CNGB1: variants seen among roughly 807,000 people sequenced by gnomAD.
CNGB1 encodes the protein cyclic nucleotide-gated channel beta-1.
Under a neutral mutation model 151.7 loss-of-function variants are expected in CNGB1, and 126 were observed. That is an observed-to-expected ratio of 0.83 (90% CI 0.72 to 0.96). CNGB1 has a LOEUF of 0.96. Among genes scored for constraint, CNGB1 ranks in the 40% least tolerant of loss-of-function variants. The pLI is 0.00. For missense variants in CNGB1, 1,698 were observed against 1,627.0 expected (o/e 1.04, Z -0.75); for synonymous variants, 623 against 635.1 (o/e 0.98, Z 0.29).
intron 17 of CNGB1, among the ~76,000 whole-genome samples, chr16:57,927,173 T>C (rs1350466718): frequency 3.9e-5 from 6 of 152,174 alleles, no homozygotes; most frequent in Non-Finnish European, 8.8e-5. Flanking sequence ...GTGGTGTTTC[T>C]TTCCTCGTCT....
intron 16 of CNGB1, among the ~76,000 whole-genome samples, chr16:57,936,366 C>T (rs1012014623): frequency 1.7e-4 from 26 of 152,154 alleles, no homozygotes; most frequent in African/African-American, 6.0e-4. Context: ...CCCTCCACTC[C>T]GATCCCAGAC....
intron 23 of CNGB1, among the ~76,000 whole-genome samples, chr16:57,915,044 T>C (rs1253666969): frequency 6.6e-6 from 1 of 152,176 alleles, no homozygotes; most frequent in Non-Finnish European, 1.5e-5. Context: ...GCAATAATAC[T>C]ACCTAACATG....
chr16:57,966,741 G>A (rs1380880082), intron 2 of CNGB1, among the ~76,000 whole-genome samples: 1 of 152,144 alleles, frequency 6.6e-6, no homozygotes, highest in Non-Finnish European at 1.5e-5. Flanking sequence ...GGCAAAATAC[G>A]ACCTGTGGGC....
rs193138096 is a variant in CNGB1, at chr16:57,907,934, C to T, written c.2493-3059G>A. On this transcript the variant is annotated intron_variant, in intron 25 of 32. Transcript: ENST00000251102. The stretch of plus-strand genomic sequence containing the variant: ...TTCGAGACAAGGTCTCACTCTGTCA[C>T]CCAGGCTGGAGTGCAGCGATCTGGG... 1.1e-3 allele frequency among the ~76,000 whole-genome samples: 172 copies of T among 152,304 alleles called. 1 individual carries two copies. Among genetic ancestry groups the T allele is most frequent in the Middle Eastern group, 3.4e-3 (1 of 294 alleles).
rs200323140 is a variant in CNGB1 at position 57,911,793 on chromosome 16, G to T, written c.2452C>A (p.Leu818Ile). The T allele has an allele frequency of 6.6e-5, 106 of 1,614,018 alleles. No individual in the cohort carries two copies. The highest frequency in any genetic ancestry group is 2.7e-5 in the African/African-American group (2 of 74,940). Reference sequence around the variant, plus strand: ...TCGTAAACCCAGTGAGTGGAGCCGAGGCCCTGATAGGCCGATGCCCAGTAA... The same window carrying T: ...TCGTAAACCCAGTGAGTGGAGCCGATGCCCTGATAGGCCGATGCCCAGTAA... ...LYYWASAYQG[L>I]GSTHWVYDGV... The change falls in exon 25 of 33, where the codon CTC (leucine) becomes ATC (isoleucine). Residue 818 changes from leucine (L) to isoleucine (I), a missense_variant. Leu to Ile is a conservative substitution (Grantham distance 5, BLOSUM62 2). Coordinates refer to ENST00000251102, the MANE Select transcript of CNGB1 (RefSeq NM_001297.5).
intron 18 of CNGB1, 54 bp from the exon 19 acceptor site, chr16:57,920,598 C>A (rs908747570): frequency 8.4e-5 from 135 of 1,598,522 alleles, no homozygotes; most frequent in Non-Finnish European, 1.1e-4. Context: ...GACCTGTGCA[C>A]CCCCAGGCCA....
intron 9 of CNGB1, 44 bp downstream of exon 9, chr16:57,960,438 G>C (rs374473050): frequency 1.2e-6 from 2 of 1,605,346 alleles, no homozygotes; most frequent in South Asian, 1.1e-5. Flanking sequence ...AGCCCAGCCC[G>C]TGACCATCCC....
rs530492874 is a variant in CNGB1, at chr16:57,911,374, C to T, written c.2492+379G>A. ...CACGATCTCGGCTCATTGCAACCTCCGCCTCCTGGGTTCAAGAGATTCTCC... is the reference window on the plus strand; with the variant it reads ...CACGATCTCGGCTCATTGCAACCTCTGCCTCCTGGGTTCAAGAGATTCTCC... On this transcript the variant is annotated intron_variant, in intron 25 of 32. Transcript: ENST00000251102. 2.8e-3 allele frequency among the ~76,000 whole-genome samples: 431 copies of T among 152,262 alleles called. 3 individuals carry two copies. Among genetic ancestry groups the T allele is most frequent in the African/African-American group, 9.8e-3 (406 of 41,556 alleles).
At chr16:57,948,121 A>T (rs547709537) in intron 14 of CNGB1, among the ~76,000 whole-genome samples, 14 of 152,240 alleles carry the variant, frequency 9.2e-5, no homozygotes, top group African/African-American at 1.9e-4. Context: ...GCAAGGAGAG[A>T]GTAACTTACT....
intron 17 of CNGB1, among the ~76,000 whole-genome samples, chr16:57,927,040 G>A (rs1435152857): frequency 6.6e-6 from 1 of 152,190 alleles, no homozygotes; most frequent in African/African-American, 2.4e-5. Context: ...AGCTGCCCCA[G>A]AGAAGCCAGA....
At chr16:57,923,776 T>G (rs1203304895) in intron 17 of CNGB1, among the ~76,000 whole-genome samples, 2 of 152,166 alleles carry the variant, frequency 1.3e-5, no homozygotes, top group Non-Finnish European at 2.9e-5. Flanking sequence ...CAGTTTCAAC[T>G]TCCTTCCCCT....
intron 31 of CNGB1, among the ~76,000 whole-genome samples, chr16:57,888,505 G>C (rs1444867815): frequency 1.3e-5 from 2 of 151,802 alleles, no homozygotes; most frequent in African/African-American, 4.8e-5. Context: ...GTCTGGCTCT[G>C]TCGCCCAGGC....
intron 31 of CNGB1, among the ~76,000 whole-genome samples, chr16:57,890,855 C>T (rs1463361741): frequency 3.3e-5 from 5 of 152,226 alleles, no homozygotes; most frequent in Non-Finnish European, 7.3e-5. Flanking sequence ...GTCAAGCTGG[C>T]CTGGCCAGCA....
intron 31 of CNGB1, among the ~76,000 whole-genome samples, chr16:57,893,074 GGTGA>G (rs1253814088): frequency 6.6e-6 from 1 of 152,168 alleles, no homozygotes; most frequent in Non-Finnish European, 1.5e-5. Flanking sequence ...AATGGATGCT[GGTGA>G]GTTTCTTCCC....
chr16:57,960,543 C>G lies in CNGB1; in HGVS notation c.535-13G>C. 6.2e-7 allele frequency: 1 copy of G among 1,613,320 alleles called. No homozygotes were observed. Among genetic ancestry groups the G allele is most frequent in the Non-Finnish European group, 8.5e-7 (1 of 1,179,600 alleles). On this transcript the variant is annotated splice_polypyrimidine_tract_variant and intron_variant, in intron 8 of 32. Coordinates refer to ENST00000251102, the MANE Select transcript of CNGB1 (RefSeq NM_001297.5). ...CATCTCTCCAGACCTGGGTGACAAACAGGGCGCAAGGTCATGGGCCATAGC... is the reference window on the plus strand; with the variant it reads ...CATCTCTCCAGACCTGGGTGACAAAGAGGGCGCAAGGTCATGGGCCATAGC...
chr16:57,925,934 T>C (rs1596985403), intron 17 of CNGB1, among the ~76,000 whole-genome samples: 1 of 152,092 alleles, frequency 6.6e-6, no homozygotes, highest in East Asian at 1.9e-4. Flanking sequence ...GTGATCTGCC[T>C]ACCTCAGCCT....
chr16:57,957,169 G>A (rs1962108838), intron 12 of CNGB1, among the ~76,000 whole-genome samples, 172 bp downstream of exon 12: 1 of 152,200 alleles, frequency 6.6e-6, no homozygotes, highest in African/African-American at 2.4e-5. Context: ...ACAGAGGTAG[G>A]GCCTGCAGAG....
Position 57,960,503 on chromosome 16 carries a change from T to C in CNGB1, c.562A>G (p.Thr188Ala). 2 of 1,613,770 alleles carry C rather than the reference T, an allele frequency of 1.2e-6. No homozygotes were observed. The highest frequency in any genetic ancestry group is 8.5e-7 in the Non-Finnish European group (1 of 1,179,872). The stretch of plus-strand genomic sequence containing the variant: ...GTACCTGGGTCTGAGGCAGCACCTG[T>C]AGCAACTGCAGGCTCATCTCTCCAG... ...EVWRDEPAVA[T>A]GAASDPAPPG... is the part of the protein sequence containing the mutation. The change falls in exon 9 of 33, where the codon ACA (threonine) becomes GCA (alanine). Residue 188 changes from threonine to alanine, a missense_variant. By Grantham distance (58) the Thr-to-Ala change is moderately conservative. Transcript: ENST00000251102.
At chr16:57,948,375 G>T (rs1257451501) in intron 14 of CNGB1, among the ~76,000 whole-genome samples, 1 of 147,544 alleles carries the variant, frequency 6.8e-6, no homozygotes, top group Non-Finnish European at 1.5e-5. Context: ...GGCTGGTCTC[G>T]AACTCCTGGG....
Sources: allele counts gnomAD v4.1 joint callset (sites outside exome capture counted in the v4.1 genomes callset), GRCh38; gene constraint gnomAD v4.1.1; transcripts MANE v1.5; gene names NCBI Gene and HGNC (gene_info 2026-07-23, HGNC 2026-07-21).